NFASC: variants seen among roughly 807,000 people sequenced by gnomAD.
NFASC encodes neurofascin homolog.
NFASC carries 43 observed loss-of-function variants against 147.5 expected under a neutral mutation model. That is an observed-to-expected ratio of 0.29 (90% CI 0.23 to 0.38). The LOEUF (loss-of-function observed/expected upper bound fraction) is 0.38. Ranked by LOEUF, NFASC falls within the 10% of genes least tolerant of loss-of-function variation. The pLI is 1.00. For missense variants in NFASC, 1,320 were observed against 1,689.0 expected, an observed-to-expected ratio of 0.78 and a Z score of 3.83; for synonymous variants, 622 against 665.5, an observed-to-expected ratio of 0.93 and a Z score of 1.01.
intron 23 of NFASC, 24 bp from the exon 24 acceptor site, chr1:204,991,268 C>T (rs1300481561): frequency 1.2e-6 from 2 of 1,612,090 alleles, no homozygotes; most frequent in Admixed American, 1.7e-5. Flanking sequence ...TCTGTCTGGC[C>T]ATCTTGGGCG....
At chr1:205,000,979 T>A in intron 25 of NFASC, 191 bp from the exon 26 acceptor site, 2 of 616,306 alleles carry the variant, frequency 3.2e-6, no homozygotes, top group Non-Finnish European at 6.0e-6. Context: ...AGGCTGCAGC[T>A]TGGAGCTCTG....
At chr1:204,838,066 A>G (rs996804283) in intron 1 of NFASC, among the ~76,000 whole-genome samples, 4 of 152,206 alleles carry the variant, frequency 2.6e-5, no homozygotes, top group African/African-American at 9.7e-5. Flanking sequence ...AGAACTTCCC[A>G]GAACACCGTA....
intron 1 of NFASC, among the ~76,000 whole-genome samples, chr1:204,832,552 C>G (rs1294502772): frequency 6.6e-6 from 1 of 152,104 alleles, no homozygotes; most frequent in Non-Finnish European, 1.5e-5. Context: ...CCACAGATTC[C>G]CGCAAATATC....
At chr1:204,919,600 T>C (rs768042514) in intron 1 of NFASC, among the ~76,000 whole-genome samples, 11 of 152,132 alleles carry the variant, frequency 7.2e-5, no homozygotes, top group Non-Finnish European at 1.0e-4. Flanking sequence ...CATTCCCCTC[T>C]ACAAGAGTGG....
intron 27 of NFASC, among the ~76,000 whole-genome samples, chr1:205,003,325 T>C (rs1342488388): frequency 6.6e-6 from 1 of 152,222 alleles, no homozygotes; most frequent in African/African-American, 2.4e-5. Flanking sequence ...TTTTTTGTCA[T>C]GCAGGGAGAG....
At chr1:204,966,925 G>C (rs569070486) in intron 8 of NFASC, among the ~76,000 whole-genome samples, 10 of 152,256 alleles carry the variant, frequency 6.6e-5, no homozygotes, top group Admixed American at 2.6e-4. Context: ...GAGTGCCCCA[G>C]AACAGGAGCC....
intron 1 of NFASC, among the ~76,000 whole-genome samples, chr1:204,843,152 T>A (rs189844998): frequency 5.3e-5 from 8 of 152,158 alleles, no homozygotes; most frequent in Non-Finnish European, 8.8e-5. Flanking sequence ...GCAAGAATCC[T>A]TTGTTTCTCA....
In NFASC at chr1:204,968,148, C is replaced by T; in HGVS notation, c.707-101C>T. ...GATGGTTTCAGCTGGGAGGATCCGG[C>T]AGGGGCGGTGATGCCACTTCTCTCT... On this transcript the variant is annotated intron_variant, in intron 8 of 29. Transcript: ENST00000339876. This position sits in a 1 kb window ranked among gnomAD's most constrained non-coding sequence, Gnocchi z 5.4. The T allele has an allele frequency of 2.4e-6, 2 of 826,896 alleles. No individual in the cohort carries two copies. The highest frequency in any genetic ancestry group is 1.5e-5 in the South Asian group (1 of 66,994). 51.2% of individuals were successfully genotyped at this position (826,896 alleles called of 1,614,324 possible). A position where few individuals can be genotyped will look rare whatever the true frequency, so the allele number is the denominator to read the frequency against.
In NFASC at chr1:204,957,899, C is replaced by T. The variant is rs1290162817; in HGVS notation, c.706+73C>T. On this transcript the variant is annotated intron_variant, in intron 8 of 29. Transcript: ENST00000339876. ...CACTGATCCCACCCAGCCCTAGGTA[C>T]CTGAGTCTATAGGGGGAGACTTGTC... is the stretch of plus-strand genomic sequence containing the variant. 59 of 1,438,476 alleles carry T rather than the reference C, an allele frequency of 4.1e-5. No homozygotes were observed. The South Asian group carries it at 6.7e-4, about 16-fold the overall frequency. The allele number at this position is 1,438,476 out of a possible 1,614,324, so 89.1% of individuals were successfully genotyped here. A position where few individuals can be genotyped will look rare whatever the true frequency, so the allele number is the denominator to read the frequency against.
At chr1:204,877,210 C>T (rs2079197157) in intron 1 of NFASC, among the ~76,000 whole-genome samples, 3 of 150,114 alleles carry the variant, frequency 2.0e-5, no homozygotes, top group South Asian at 4.2e-4. Context: ...CACACATGCA[C>T]AGTAAGCAAA....
chr1:204,918,147 T>C (rs998055183), intron 1 of NFASC, among the ~76,000 whole-genome samples: 19 of 152,204 alleles, frequency 1.2e-4, no homozygotes, highest in African/African-American at 4.6e-4. Context: ...AATGAACATA[T>C]AAAATCTCAC....
intron 1 of NFASC, among the ~76,000 whole-genome samples, chr1:204,887,854 T>A (rs1454898112): frequency 6.6e-6 from 1 of 152,144 alleles, no homozygotes; most frequent in Non-Finnish European, 1.5e-5. Context: ...CGCCTTGGCC[T>A]CTGAAAGTGC....
In NFASC at chr1:204,973,308, G is replaced by A. The variant is rs764521110; in HGVS notation, c.1168G>A (p.Gly390Arg). Residue 390 changes from glycine (G) to arginine (R), a missense_variant, in exon 12 of 30, where the codon GGA becomes AGA. Physicochemically the swap from Gly to Arg is moderately radical, Grantham distance 125. Transcript: ENST00000339876. ...APPNPNREVA[G>R]DTIIFRDTQI... ...ACCTAACCCAAACCGTGAGGTGGCC[G>A]GAGACACCATCATCTTCCGGGACAC... is the stretch of plus-strand genomic sequence containing the variant. 9.9e-6 allele frequency: 16 copies of A among 1,614,074 alleles called. No homozygotes were observed. The highest frequency in any genetic ancestry group is 3.3e-5 in the South Asian group (3 of 91,090).
intron 2 of NFASC, among the ~76,000 whole-genome samples, chr1:204,932,913 T>C (rs1185815926): frequency 6.6e-6 from 1 of 152,134 alleles, no homozygotes; most frequent in African/African-American, 2.4e-5. Flanking sequence ...TGAGTAGGAA[T>C]TGATCACATG....
chr1:204,971,730 G>C (rs561274799), intron 11 of NFASC, among the ~76,000 whole-genome samples: 1 of 152,310 alleles, frequency 6.6e-6, no homozygotes, highest in South Asian at 2.1e-4. Flanking sequence ...GTGGGTTGCT[G>C]TGAGTCTGCA....
intron 21 of NFASC, among the ~76,000 whole-genome samples, chr1:204,983,370 C>T (rs781201722): frequency 3.9e-4 from 60 of 152,092 alleles, no homozygotes; most frequent in Non-Finnish European, 6.8e-4. Context: ...TCAAAAGGAA[C>T]TATTTATAAC....
intron 1 of NFASC, among the ~76,000 whole-genome samples, chr1:204,888,766 G>T (rs1557991411): frequency 6.6e-6 from 1 of 152,206 alleles, no homozygotes; most frequent in Non-Finnish European, 1.5e-5. Flanking sequence ...GAATGAGTAT[G>T]ACAAGATGGC....
intron 1 of NFASC, among the ~76,000 whole-genome samples, chr1:204,834,733 G>A (rs1200714465): frequency 6.6e-6 from 1 of 152,164 alleles, no homozygotes; most frequent in African/African-American, 2.4e-5. Flanking sequence ...AATAAACAGA[G>A]TTAACAAGAT....
At chr1:204,881,934 C>T (rs1248015681) in intron 1 of NFASC, among the ~76,000 whole-genome samples, 1 of 152,116 alleles carries the variant, frequency 6.6e-6, no homozygotes, top group African/African-American at 2.4e-5. Flanking sequence ...TCTGATCACC[C>T]TGGCCTGTTT....
Sources: gnomAD v4.1 joint callset for allele counts (sites outside exome capture counted in the v4.1 genomes callset) on GRCh38, gnomAD v4.1.1 for gene constraint, Gnocchi (gnomAD v3.1) non-coding constraint, MANE v1.5 for transcripts, NCBI Gene and HGNC (gene_info 2026-07-23, HGNC 2026-07-21) for gene names.